The following MOSMO variants were observed in gnomAD, a reference collection of about 807,000 sequenced individuals.
MOSMO encodes modulator of smoothened protein.
A neutral mutation model predicts 18.4 loss-of-function variants in MOSMO; 5 were observed. The ratio of observed to expected loss-of-function variants is 0.27; its 90% CI spans 0.14 to 0.57. The LOEUF (loss-of-function observed/expected upper bound fraction) is 0.57, where lower values mean the gene tolerates loss of function less well. MOSMO is among the 20% of genes least tolerant of loss of function. The pLI is 0.92. For synonymous variants in MOSMO, 82 were observed against 82.3 expected, an observed-to-expected ratio of 1.00 and a Z score of 0.02; for missense variants, 138 against 211.8, an observed-to-expected ratio of 0.65 and a Z score of 2.16.
intron 1 of MOSMO, among the ~76,000 whole-genome samples, chr16:22,035,396 ATTTTT>A (rs1160059034): frequency 9.7e-5 from 13 of 133,348 alleles, no homozygotes; most frequent in Non-Finnish European, 1.8e-4. Context: ...GCAGGAGGGG[ATTTTT>A]TTTTTTTTTT....
At chr16:22,015,552 C>T (rs546843695) in intron 1 of MOSMO, among the ~76,000 whole-genome samples, 119 of 152,216 alleles carry the variant, frequency 7.8e-4, no homozygotes, top group African/African-American at 2.5e-3. Flanking sequence ...TAAAAAGTGA[C>T]ATTATCAGTA....
chr16:22,087,609 A>G (rs369953350), downstream of MOSMO: 635 of 152,340 alleles, frequency 4.2e-3, 7 homozygotes, highest in African/African-American at 0.014. Context: ...ATTTTCCATA[A>G]TAAATTGCTC....
intron 1 of MOSMO, among the ~76,000 whole-genome samples, chr16:22,019,605 A>T (rs912523837): frequency 6.6e-6 from 1 of 152,168 alleles, no homozygotes; most frequent in Non-Finnish European, 1.5e-5. Flanking sequence ...TTTGTATCTT[A>T]GGCAGCATTC....
At chr16:22,040,908 G>A (rs2142002819) in intron 1 of MOSMO, among the ~76,000 whole-genome samples, 1 of 152,214 alleles carries the variant, frequency 6.6e-6, no homozygotes, top group African/African-American at 2.4e-5. Flanking sequence ...AGGTTACAGT[G>A]AGCCAAGATC....
intron 1 of MOSMO, among the ~76,000 whole-genome samples, chr16:22,062,359 G>T (rs1900662755): frequency 6.6e-6 from 1 of 151,928 alleles, no homozygotes; most frequent in Non-Finnish European, 1.5e-5. Flanking sequence ...GAGGGTCTCT[G>T]TCACCCAGGA....
intron 1 of MOSMO, among the ~76,000 whole-genome samples, chr16:22,046,665 A>G (rs1385858376): frequency 1.3e-5 from 2 of 152,138 alleles, no homozygotes; most frequent in African/African-American, 2.4e-5. Context: ...AAACAGTGAA[A>G]TCATCAGTAA....
intron 1 of MOSMO, among the ~76,000 whole-genome samples, chr16:22,039,730 A>G (rs1017196204): frequency 1.1e-4 from 16 of 152,224 alleles, no homozygotes; most frequent in African/African-American, 2.9e-4. Context: ...ATATGCATTT[A>G]TAAGTAGTGT....
intron 1 of MOSMO, among the ~76,000 whole-genome samples, chr16:22,047,904 A>G (rs1900346549): frequency 6.6e-6 from 1 of 152,198 alleles, no homozygotes. Context: ...TGGAGTGAAG[A>G]TTGCCTATTA....
chr16:22,051,381 A>G (rs1900423547), intron 1 of MOSMO, among the ~76,000 whole-genome samples: 2 of 151,946 alleles, frequency 1.3e-5, no homozygotes, highest in South Asian at 4.2e-4. Flanking sequence ...GCAAGACTCC[A>G]TCTCCAAAAA....
intron 1 of MOSMO, among the ~76,000 whole-genome samples, chr16:22,048,371 C>T (rs548168920): frequency 1.3e-5 from 2 of 152,328 alleles, no homozygotes; most frequent in South Asian, 4.1e-4. Flanking sequence ...GCTGCTGCAA[C>T]ATCAACATCA....
chr16:22,011,843 G>A (rs939848017), intron 1 of MOSMO, among the ~76,000 whole-genome samples: 25 of 149,204 alleles, frequency 1.7e-4, no homozygotes, highest in African/African-American at 4.9e-4. Flanking sequence ...AACATAAAAC[G>A]AATGGGACAG....
chr16:22,013,889 G>T (rs1304489087), intron 1 of MOSMO, among the ~76,000 whole-genome samples: 1 of 149,956 alleles, frequency 6.7e-6, no homozygotes, highest in East Asian at 2.0e-4. Flanking sequence ...TTGGGGGGGG[G>T]GAATCTCAAA....
downstream of MOSMO, chr16:22,087,631 A>G (rs1003144448): frequency 2.0e-5 from 3 of 152,224 alleles, no homozygotes; most frequent in African/African-American, 7.2e-5. Context: ...TTAAAAACTG[A>G]CATATCTAAG....
At chr16:22,036,747 G>A (rs1900117424) in intron 1 of MOSMO, among the ~76,000 whole-genome samples, 1 of 152,088 alleles carries the variant, frequency 6.6e-6, no homozygotes, top group Admixed American at 6.5e-5. Context: ...TCTATACCCA[G>A]CCACAAATTT....
At chr16:22,068,850 A>G (rs929497008) in intron 1 of MOSMO, among the ~76,000 whole-genome samples, 1 of 152,194 alleles carries the variant, frequency 6.6e-6, no homozygotes, top group African/African-American at 2.4e-5. Context: ...TTGTGTAAAG[A>G]TATGTAGTCT....
chr16:22,066,838 A>C (rs894127937), intron 1 of MOSMO, among the ~76,000 whole-genome samples: 1 of 152,230 alleles, frequency 6.6e-6, no homozygotes, highest in African/African-American at 2.4e-5. Flanking sequence ...TCAACTAAAA[A>C]TTACAAGACA....
intron 2 of MOSMO, among the ~76,000 whole-genome samples, chr16:22,080,213 ATG>A (rs1284974006): frequency 1.3e-5 from 2 of 152,230 alleles, no homozygotes; most frequent in African/African-American, 4.8e-5. Flanking sequence ...TGATAATGGT[ATG>A]CAGCACTCAT....
At chr16:22,043,655 A>C (rs555295554) in intron 1 of MOSMO, among the ~76,000 whole-genome samples, 1 of 152,342 alleles carries the variant, frequency 6.6e-6, no homozygotes, top group South Asian at 2.1e-4. Flanking sequence ...AAGACAAAAT[A>C]GTTTGTCCCT....
rs1030567106 is a variant in MOSMO, at chr16:22,077,232, G to A, written c.319+1533G>A. On this transcript the variant is annotated intron_variant, in intron 2 of 2. Coordinates refer to ENST00000542527, the MANE Select transcript of MOSMO (RefSeq NM_001164579.2). The stretch of plus-strand genomic sequence containing the variant: ...AATATGATTTAGCAAGGTAGTGTGA[G>A]TCGAAACGTTATATGCTCTCATGAG... 3.3e-5 allele frequency among the ~76,000 whole-genome samples: 5 copies of A among 152,280 alleles called. No homozygotes were observed. The East Asian group carries it at 9.6e-4, about 29-fold the overall frequency.
Sources: gnomAD v4.1 joint callset for allele counts (sites outside exome capture counted in the v4.1 genomes callset) on GRCh38, gnomAD v4.1.1 for gene constraint, MANE v1.5 for transcripts, NCBI Gene and HGNC (gene_info 2026-07-23, HGNC 2026-07-21) for gene names.